The following CCDC63 variants were observed in gnomAD, a reference collection of about 807,000 sequenced individuals.
CCDC63 encodes coiled-coil domain containing 63.
CCDC63 carries 54 observed loss-of-function variants against 63.6 expected under a neutral mutation model. The observed-to-expected ratio is 0.85, with a 90% confidence interval of 0.68 to 1.07. The LOEUF is 1.07. Ranked by LOEUF, CCDC63 falls within the 50% of genes least tolerant of loss-of-function variation. The probability of loss-of-function intolerance (pLI) is 0.00; values close to 1 mark genes in which losing one functional copy is unlikely to be tolerated. For missense variants in CCDC63, 637 were observed against 689.6 expected, an observed-to-expected ratio of 0.92 and a Z score of 0.86; for synonymous variants, 253 against 266.1, an observed-to-expected ratio of 0.95 and a Z score of 0.48.
At chr12:110,884,835 C>T (rs544244064) in intron 8 of CCDC63, among the ~76,000 whole-genome samples, 3 of 149,758 alleles carry the variant, frequency 2.0e-5, no homozygotes, top group South Asian at 2.1e-4. Context: ...TACAGGTGCC[C>T]GCCACGACGC....
chr12:110,897,311 G>A (rs987236042), intron 9 of CCDC63, among the ~76,000 whole-genome samples: 1 of 151,462 alleles, frequency 6.6e-6, no homozygotes, highest in Non-Finnish European at 1.5e-5. Flanking sequence ...GATTTGAACT[G>A]GCATGGTGGC....
At chr12:110,860,040 C>A (rs900022002) in intron 4 of CCDC63, among the ~76,000 whole-genome samples, 5 of 152,190 alleles carry the variant, frequency 3.3e-5, no homozygotes, top group African/African-American at 1.2e-4. Context: ...ACCCAGAGCA[C>A]CCCCAGCAGG....
At chr12:110,848,865 A>C (rs961197576) in intron 1 of CCDC63, among the ~76,000 whole-genome samples, 1 of 152,176 alleles carries the variant, frequency 6.6e-6, no homozygotes, top group African/African-American at 2.4e-5. Flanking sequence ...GGAACATAGA[A>C]CAGCTCCTGG....
intron 8 of CCDC63, among the ~76,000 whole-genome samples, chr12:110,890,901 C>T (rs934157849): frequency 2.6e-5 from 4 of 151,634 alleles, no homozygotes; most frequent in Admixed American, 2.6e-4. Flanking sequence ...CTCAGCCTCC[C>T]GAGTATCTGG....
chr12:110,852,419 C>T (rs2070715589), intron 1 of CCDC63, among the ~76,000 whole-genome samples: 1 of 152,110 alleles, frequency 6.6e-6, no homozygotes. Context: ...GCCACCACAC[C>T]TGGCTAATTT....
At chr12:110,857,012 C>T (rs1300299227) in intron 3 of CCDC63, among the ~76,000 whole-genome samples, 1 of 151,996 alleles carries the variant, frequency 6.6e-6, no homozygotes, top group Non-Finnish European at 1.5e-5. Context: ...ACTATGTTGT[C>T]CAGGCTGGTC....
intron 9 of CCDC63, 35 bp downstream of exon 9, chr12:110,893,185 C>G: frequency 6.5e-7 from 1 of 1,543,084 alleles, no homozygotes; most frequent in Middle Eastern, 1.8e-4. Context: ...GATGCGGGAG[C>G]TTCTGTTGTC....
chr12:110,881,196 G>A lies in CCDC63; in HGVS notation c.753G>A (p.Glu251=). 6.2e-7 allele frequency: 1 copy of A among 1,613,720 alleles called. No individual in the cohort carries two copies. The highest frequency in any genetic ancestry group is 8.5e-7 in the Non-Finnish European group (1 of 1,179,982). Residue 251 remains glutamate (E), a synonymous_variant, in exon 7 of 12, where the codon GAG becomes GAA. Coordinates refer to ENST00000308208, the MANE Select transcript of CCDC63 (RefSeq NM_152591.3). ...DTSQYNLEIR[E]LERLYAHESK... ...CTCAGTACAACCTGGAGATCCGAGA[G>A]CTGGAGCGTCTCTATGCCCATGAGA...
At chr12:110,890,646 C>CAT (rs35067371) in intron 8 of CCDC63, among the ~76,000 whole-genome samples, 47,847 of 151,796 alleles carry the variant, frequency 0.32, 7,660 homozygotes, top group Admixed American at 0.34. Context: ...CACACACACA[C>CAT]GCCCATTTAC....
chr12:110,864,902 G>C (rs867521416), intron 4 of CCDC63, among the ~76,000 whole-genome samples: 1 of 152,118 alleles, frequency 6.6e-6, no homozygotes, highest in Admixed American at 6.6e-5. Context: ...CAATTTTGCT[G>C]TCAGCTATGT....
chr12:110,877,636 T>A (rs1350035786), intron 5 of CCDC63, among the ~76,000 whole-genome samples: 2 of 151,722 alleles, frequency 1.3e-5, no homozygotes, highest in Admixed American at 1.3e-4. Flanking sequence ...CTGCTCCCTT[T>A]CCCCCTCACC....
At chr12:110,865,912 G>A (rs2070941292) in intron 4 of CCDC63, among the ~76,000 whole-genome samples, 1 of 152,212 alleles carries the variant, frequency 6.6e-6, no homozygotes, top group African/African-American at 2.4e-5. Context: ...TAAGGGAACT[G>A]TCAGGTGAAT....
intron 7 of CCDC63, among the ~76,000 whole-genome samples, chr12:110,882,917 T>G (rs1355536231): frequency 6.6e-6 from 1 of 152,062 alleles, no homozygotes; most frequent in Non-Finnish European, 1.5e-5. Context: ...TGGAGTGCAG[T>G]GGTGTGACAG....
intron 3 of CCDC63, among the ~76,000 whole-genome samples, chr12:110,856,805 G>C (rs984000538): frequency 2.0e-5 from 3 of 149,936 alleles, no homozygotes; most frequent in African/African-American, 4.9e-5. Context: ...TTTTTGGCCG[G>C]TTTGCCAACT....
chr12:110,877,712 T>C (rs967660298), intron 5 of CCDC63, among the ~76,000 whole-genome samples: 45 of 150,698 alleles, frequency 3.0e-4, no homozygotes, highest in African/African-American at 8.0e-4. Context: ...TTCTTTCTTT[T>C]TTTTTTTTTT....
rs1027809763 is a variant in CCDC63, at chr12:110,898,843, G to A, written c.1150-90G>A. On this transcript the variant is annotated intron_variant, in intron 9 of 11. Transcript: ENST00000308208. ...TGTCCCCTCAGAGGTTTGAAAACCC[G>A]CAGTTTGGAGACCCTGACCCCAGAG... 61 of 975,422 alleles carry A rather than the reference G, an allele frequency of 6.3e-5. No homozygotes were observed. The Admixed American group carries it at 1.3e-3, about 21-fold the overall frequency. 60.4% of individuals were successfully genotyped at this position (975,422 alleles called of 1,614,324 possible). A position where few individuals can be genotyped will look rare whatever the true frequency, so the allele number is the denominator to read the frequency against.
chr12:110,886,702 C>G (rs911579687), intron 8 of CCDC63, among the ~76,000 whole-genome samples: 2 of 152,098 alleles, frequency 1.3e-5, no homozygotes, highest in African/African-American at 4.8e-5. Flanking sequence ...TACTCAGCAG[C>G]CAAGCACAAG....
intron 10 of CCDC63, among the ~76,000 whole-genome samples, chr12:110,902,543 T>TCC (rs561902635): frequency 2.6e-5 from 4 of 152,000 alleles, no homozygotes; most frequent in Non-Finnish European, 5.9e-5. Flanking sequence ...AGCTGCCCTG[T>TCC]CCCCACCCAT....
chr12:110,881,950 CTCTT>C (rs1335951505), intron 7 of CCDC63, among the ~76,000 whole-genome samples: 29 of 152,282 alleles, frequency 1.9e-4, no homozygotes, highest in African/African-American at 2.4e-5. Flanking sequence ...ATCTGGGACT[CTCTT>C]TCTATTATTT....
Sources: allele counts gnomAD v4.1 joint callset (sites outside exome capture counted in the v4.1 genomes callset), GRCh38; gene constraint gnomAD v4.1.1; transcripts MANE v1.5; gene names NCBI Gene and HGNC (gene_info 2026-07-23, HGNC 2026-07-21).